STAT5B: variants seen among roughly 807,000 people sequenced by gnomAD.
STAT5B encodes the protein transcription factor STAT5B.
In STAT5B, 21 loss-of-function variants were observed where a neutral mutation model predicts 107.8. That is an observed-to-expected ratio of 0.19 (90% CI 0.14 to 0.28). STAT5B has a LOEUF of 0.28. Among genes scored for constraint, STAT5B ranks in the 10% least tolerant of loss-of-function variants. STAT5B has a pLI of 1.00. For missense variants in STAT5B, 565 were observed against 1,008.2 expected, an observed-to-expected ratio of 0.56 and a Z score of 5.95; for synonymous variants, 325 against 401.7, an observed-to-expected ratio of 0.81 and a Z score of 2.28.
intron 16 of STAT5B, among the ~76,000 whole-genome samples, chr17:42,206,132 C>A (rs1419130063): frequency 5.9e-5 from 9 of 152,122 alleles, no homozygotes; most frequent in African/African-American, 2.2e-4. Context: ...GGCATAGTCT[C>A]GGCTCACTGC....
At chr17:42,202,701 G>A in intron 17 of STAT5B, 56 bp downstream of exon 17, 1 of 1,612,034 alleles carries the variant, frequency 6.2e-7, no homozygotes, top group South Asian at 1.1e-5. Flanking sequence ...TGGGAGGCAG[G>A]GTCTGGGGGA....
chr17:42,205,524 C>T (rs538537162), intron 16 of STAT5B, among the ~76,000 whole-genome samples: 9 of 152,298 alleles, frequency 5.9e-5, no homozygotes, highest in African/African-American at 2.2e-4. Context: ...CCATTCTCAA[C>T]CCAGGATTTT....
intron 1 of STAT5B, chr17:42,271,368 T>C (rs1221607496): frequency 1.3e-5 from 2 of 152,264 alleles, no homozygotes; most frequent in East Asian, 1.9e-4. Flanking sequence ...CAATAATTGA[T>C]TGGCTCATTG....
rs369053082 is a variant in STAT5B, at chr17:42,244,528, T to C, written c.-10-12391A>G. 1.4e-4 allele frequency among the ~76,000 whole-genome samples: 21 copies of C among 152,304 alleles called. 1 individual carries two copies. The East Asian group carries it at 2.3e-3, about 17-fold the overall frequency. On this transcript the variant is annotated intron_variant, in intron 1 of 18. Coordinates refer to ENST00000293328, the MANE Select transcript of STAT5B (RefSeq NM_012448.4). ...CAGCTACTACAATACCCTGTTTCTA[T>C]ACTGCTTAAATGAAATATAATCCCT... is the stretch of plus-strand genomic sequence containing the variant.
chr17:42,236,559 A>G (rs1447053151), intron 1 of STAT5B, among the ~76,000 whole-genome samples: 1 of 152,104 alleles, frequency 6.6e-6, no homozygotes, highest in East Asian at 1.9e-4. Context: ...CTCCTGCCTC[A>G]GCCTCCTGAG....
At chr17:42,278,003 G>C (rs1393044345), upstream of STAT5B, among the ~76,000 whole-genome samples, 2 of 151,912 alleles carry the variant, frequency 1.3e-5, no homozygotes, top group Non-Finnish European at 2.9e-5. Context: ...TAATCTGCCC[G>C]CCTCAGCCTC....
chr17:42,212,019 T>C lies in STAT5B; in HGVS notation c.1645A>G (p.Ser549Gly). The C allele has an allele frequency of 6.2e-7, 1 of 1,613,868 alleles. No homozygotes were observed. Among genetic ancestry groups the C allele is most frequent in the Non-Finnish European group, 8.5e-7 (1 of 1,179,878 alleles). Residue 549 changes from serine to glycine, a missense_variant, in exon 13 of 19, where the codon AGT becomes GGT. This residue lies in a region of STAT5B where 127 missense variants were observed against 215.8 expected (regional missense o/e 0.59). Coordinates refer to ENST00000293328, the MANE Select transcript of STAT5B (RefSeq NM_012448.4). Reference sequence around the variant, plus strand: ...TGGGACCAGGACACAGACAGGCCACTGTAGTCCTCCAGGTGGCTGCTGCTG... The same window carrying C: ...TGGGACCAGGACACAGACAGGCCACCGTAGTCCTCCAGGTGGCTGCTGCTG... ...NNSSSHLEDY[S>G]GLSVSWSQFN... is the part of the protein sequence containing the mutation.
chr17:42,257,456 C>T (rs2080556086), intron 1 of STAT5B, among the ~76,000 whole-genome samples: 1 of 152,202 alleles, frequency 6.6e-6, no homozygotes, highest in African/African-American at 2.4e-5. Context: ...CTGTTCATCC[C>T]TGCTGAAAGC....
At chr17:42,273,613 TAC>T (rs1437542229) in intron 1 of STAT5B, among the ~76,000 whole-genome samples, 5 of 152,226 alleles carry the variant, frequency 3.3e-5, no homozygotes, top group Admixed American at 6.5e-5. Flanking sequence ...CTTTATGAGA[TAC>T]AGACATTTTT....
chr17:42,224,913 T>C, intron 3 of STAT5B, 45 bp from the exon 4 acceptor site: 1 of 1,603,756 alleles, frequency 6.2e-7, no homozygotes, highest in Non-Finnish European at 8.5e-7. Flanking sequence ...CACTCCACAC[T>C]ATGGGCCCTA....
chr17:42,219,682 C>A, intron 6 of STAT5B, 30 bp downstream of exon 6: 2 of 1,588,624 alleles, frequency 1.3e-6, no homozygotes, highest in South Asian at 2.2e-5. Context: ...ATGGCACCCA[C>A]GCCCAGGAGA....
upstream of STAT5B, among the ~76,000 whole-genome samples, chr17:42,279,474 C>A (rs1034212724): frequency 3.9e-5 from 6 of 152,170 alleles, no homozygotes; most frequent in Non-Finnish European, 8.8e-5. Flanking sequence ...TTTGTGGCAG[C>A]CACAGGGCGC....
At chr17:42,279,190 GAA>G (rs59058357), upstream of STAT5B, among the ~76,000 whole-genome samples, 5 of 121,344 alleles carry the variant, frequency 4.1e-5, no homozygotes, top group African/African-American at 1.5e-4. Flanking sequence ...CTCAAAAAAA[GAA>G]AAAAAAAAAA....
At chr17:42,242,313 A>G (rs2080410536) in intron 1 of STAT5B, among the ~76,000 whole-genome samples, 1 of 152,214 alleles carries the variant, frequency 6.6e-6, no homozygotes, top group Admixed American at 6.5e-5. Flanking sequence ...GTAGACTCAG[A>G]CAAGGATCAT....
intron 1 of STAT5B, among the ~76,000 whole-genome samples, chr17:42,269,004 G>A (rs1353454533): frequency 6.6e-6 from 1 of 152,106 alleles, no homozygotes; most frequent in Non-Finnish European, 1.5e-5. Context: ...TTTAGCCCAG[G>A]TTAGATTTTT....
At chr17:42,274,046 T>C (rs1461011217) in intron 1 of STAT5B, among the ~76,000 whole-genome samples, 1 of 152,092 alleles carries the variant, frequency 6.6e-6, no homozygotes, top group Non-Finnish European at 1.5e-5. Flanking sequence ...ATTTTTCTCC[T>C]ACAATCATAC....
chr17:42,227,540 T>A lies in STAT5B; in HGVS notation c.274A>T (p.Thr92Ser), dbSNP rs2080283894. ...GAGCCCACACCCACCTGGAGCTGTGTGGCATAGTGCCCCAGCTTGATCTTC... is the reference window on the plus strand; with the variant it reads ...GAGCCCACACCCACCTGGAGCTGTGAGGCATAGTGCCCCAGCTTGATCTTC... The part of the protein sequence containing the change: ...LLKIKLGHYA[T>S]QLQNTYDRCP... Residue 92 changes from threonine to serine, a missense_variant, in exon 3 of 19, where the codon ACA becomes TCA. Physicochemically the swap from Thr to Ser is moderately conservative, Grantham distance 58. Transcript: ENST00000293328. 3.1e-6 allele frequency: 5 copies of A among 1,613,330 alleles called. No homozygotes were observed. The highest frequency in any genetic ancestry group is 4.2e-6 in the Non-Finnish European group (5 of 1,179,856).
chr17:42,239,198 A>C (rs2080381969), intron 1 of STAT5B, among the ~76,000 whole-genome samples: 1 of 150,052 alleles, frequency 6.7e-6, no homozygotes, highest in Non-Finnish European at 1.5e-5. Flanking sequence ...CAGTGAGCCA[A>C]GATCATGCCA....
At chr17:42,267,830 A>G (rs112584038) in intron 1 of STAT5B, among the ~76,000 whole-genome samples, 64 of 152,016 alleles carry the variant, frequency 4.2e-4, no homozygotes, top group African/African-American at 1.4e-3. Flanking sequence ...GTGGTGGCAC[A>G]CGCCTGTAAT....
Sources: gnomAD v4.1 joint callset for allele counts (sites outside exome capture counted in the v4.1 genomes callset) on GRCh38, gnomAD v4.1.1 for gene constraint, gnomAD v4.1.1 regional missense constraint, MANE v1.5 for transcripts, NCBI Gene and HGNC (gene_info 2026-07-23, HGNC 2026-07-21) for gene names.